NDE1: variants seen among roughly 807,000 people sequenced by gnomAD.
The protein encoded by NDE1 is nuclear distribution protein nudE homolog 1.
In NDE1, 28 loss-of-function variants were observed where a neutral mutation model predicts 43.4. The ratio of observed to expected loss-of-function variants is 0.65; its 90% CI spans 0.48 to 0.89. The LOEUF (loss-of-function observed/expected upper bound fraction) is 0.89. Among genes scored for constraint, NDE1 ranks in the 40% least tolerant of loss-of-function variants. The pLI is 0.00. For synonymous variants in NDE1, 184 were observed against 172.0 expected (o/e 1.07, Z -0.55); for missense variants, 441 against 434.1 (o/e 1.02, Z -0.14).
At chr16:15,710,765 C>G (rs2039740807) in intron 8 of NDE1, among the ~76,000 whole-genome samples, 1 of 152,024 alleles carries the variant, frequency 6.6e-6, no homozygotes, top group African/African-American at 2.4e-5. Flanking sequence ...CAGGCTCCTC[C>G]TCCTGGGTTG....
chr16:15,690,361 T>TC (rs2038686912), intron 5 of NDE1, among the ~76,000 whole-genome samples: 2 of 102,032 alleles, frequency 2.0e-5, no homozygotes, highest in East Asian at 2.4e-4. Flanking sequence ...TTCTTTTTTT[T>TC]TTTTTTTTTT....
chr16:15,725,688 A>G lies in NDE1; in HGVS notation c.*1437A>G. 1 of 398,904 alleles carries G rather than the reference A, an allele frequency of 2.5e-6. No individual in the cohort carries two copies. The highest frequency in any genetic ancestry group is 4.4e-6 in the Non-Finnish European group (1 of 226,310). The allele number at this position is 398,904 out of a possible 1,614,324, so 24.7% of individuals were successfully genotyped here. On this transcript the variant is annotated 3_prime_UTR_variant, in exon 9 of 9. Coordinates refer to ENST00000396354, the MANE Select transcript of NDE1 (RefSeq NM_017668.3). ...CATGTGAGAAAAAAACATCTCACTT[A>G]ATTCTTCCCTCGCCCCTTGGTCCCT...
In NDE1 at chr16:15,724,138, G is replaced by A. The variant is rs7193920; in HGVS notation, c.948-53G>A. On this transcript the variant is annotated intron_variant, in intron 8 of 8. Coordinates refer to ENST00000396354, the MANE Select transcript of NDE1 (RefSeq NM_017668.3). ...CCAACCCAGCGTCCATGGCCAGAGT[G>A]GGGGACACCCCACGCCCTCTACCTG... 46,084 of 1,612,032 alleles carry A rather than the reference G, an allele frequency of 0.029. 2,459 individuals are homozygous for A. The highest frequency in any genetic ancestry group is 0.24 in the African/African-American group (17,746 of 74,928).
At chr16:15,722,527 A>T (rs2151213769) in intron 8 of NDE1, among the ~76,000 whole-genome samples, 1 of 152,306 alleles carries the variant, frequency 6.6e-6, no homozygotes, top group South Asian at 2.1e-4. Flanking sequence ...TATGTGTGCC[A>T]CTGCACTACA....
In NDE1 at chr16:15,725,147, AAACACAC is replaced by A; in HGVS notation, c.*898_*904del. On this transcript the variant is annotated 3_prime_UTR_variant, in exon 9 of 9. Coordinates refer to ENST00000396354, the MANE Select transcript of NDE1 (RefSeq NM_017668.3). ...ATGGGACTCTGATAAAAAAAAAAAA[AAACACAC>A]ACACACACAAAAAAAACAGAATCTG... The A allele has an allele frequency of 1.5e-6, 1 of 655,402 alleles. No individual in the cohort carries two copies. The highest frequency in any genetic ancestry group is 2.7e-5 in the Admixed American group (1 of 37,210). The allele number at this position is 655,402 out of a possible 1,614,324, so 40.6% of individuals were successfully genotyped here.
At chr16:15,694,101 G>C (rs538307296) in intron 6 of NDE1, 64 bp from the exon 7 acceptor site, 1 of 1,583,282 alleles carries the variant, frequency 6.3e-7, no homozygotes, top group South Asian at 1.1e-5. Context: ...TGGATCTAGC[G>C]ATGTTAACGC....
intron 3 of NDE1, among the ~76,000 whole-genome samples, chr16:15,671,537 AAC>A (rs2037592587): frequency 1.3e-5 from 2 of 152,058 alleles, no homozygotes; most frequent in Admixed American, 6.6e-5. Context: ...GGTTGTTTAG[AAC>A]ACACATTGTT....
At chr16:15,707,275 C>CGCCTCG (rs1386886102) in intron 8 of NDE1, among the ~76,000 whole-genome samples, 1 of 152,130 alleles carries the variant, frequency 6.6e-6, no homozygotes, top group African/African-American at 2.4e-5. Flanking sequence ...GTTATCTGCC[C>CGCCTCG]GCCTCGGCCT....
chr16:15,684,095 G>C (rs924709826), intron 4 of NDE1: 1 of 152,164 alleles, frequency 6.6e-6, no homozygotes, highest in African/African-American at 2.4e-5. Context: ...GCCAGGCATG[G>C]TGGCAGGCGC....
chr16:15,678,968 C>G (rs1382673977), intron 4 of NDE1, among the ~76,000 whole-genome samples: 1 of 151,776 alleles, frequency 6.6e-6, no homozygotes, highest in South Asian at 2.1e-4. Context: ...CCCAGCTAGT[C>G]GGGAGGCTGA....
At position 15,712,314 on chromosome 16, in the gene NDE1, C is replaced by T. The variant is rs373374097; in HGVS notation, c.948-11877C>T. ...ATTAGATATACATGGAATTCTAAAGCGCCAAGATTAGTTGAGACCTCTCAC... is the reference window on the plus strand; with the variant it reads ...ATTAGATATACATGGAATTCTAAAGTGCCAAGATTAGTTGAGACCTCTCAC... On this transcript the variant is annotated intron_variant, in intron 8 of 8. Transcript: ENST00000396354. 5.4e-4 allele frequency among the ~76,000 whole-genome samples: 82 copies of T among 152,122 alleles called. No individual in the cohort carries two copies. The East Asian group carries it at 7.2e-3, about 13-fold the overall frequency.
chr16:15,678,558 T>C (rs186857425), intron 4 of NDE1, among the ~76,000 whole-genome samples: 3 of 152,182 alleles, frequency 2.0e-5, no homozygotes, highest in Non-Finnish European at 2.9e-5. Flanking sequence ...AGGGATGGGC[T>C]CTTGCCATGT....
At chr16:15,693,432 C>T (rs1238076794) in intron 6 of NDE1, among the ~76,000 whole-genome samples, 1 of 152,168 alleles carries the variant, frequency 6.6e-6, no homozygotes, top group Non-Finnish European at 1.5e-5. Context: ...TTGTATCTAT[C>T]ACAGATGCCA....
At chr16:15,692,204 C>A (rs574509509) in intron 6 of NDE1, among the ~76,000 whole-genome samples, 88 of 152,280 alleles carry the variant, frequency 5.8e-4, no homozygotes, top group African/African-American at 1.9e-3. Context: ...TCGCCGCAGG[C>A]CCAGGATGCA....
At chr16:15,710,435 C>A (rs565944532) in intron 8 of NDE1, among the ~76,000 whole-genome samples, 3 of 152,144 alleles carry the variant, frequency 2.0e-5, no homozygotes, top group Non-Finnish European at 4.4e-5. Flanking sequence ...GCAGGAGAAT[C>A]GCTTGAACCT....
intron 8 of NDE1, chr16:15,713,037 T>G (rs1159533324): frequency 6.6e-6 from 1 of 151,710 alleles, no homozygotes; most frequent in Non-Finnish European, 1.5e-5. Flanking sequence ...TATTTTTTGG[T>G]AGAGACAGGG....
rs760908992 is a variant in NDE1 at position 15,719,615 on chromosome 16, G to A, written c.948-4576G>A. 24 of 1,614,074 alleles carry A rather than the reference G, an allele frequency of 1.5e-5. 1 individual carries two copies. In the Admixed American group the frequency reaches 3.3e-4, roughly 22 times the overall value. ...GTAGCTGCATGAGGTCTGCTTCCAA[G>A]CTCTTGGCTTTCTTCTCATTCTCTT... On this transcript the variant is annotated intron_variant, in intron 8 of 8. Transcript: ENST00000396354.
At chr16:15,671,032 G>A (rs1880816853) in intron 3 of NDE1, among the ~76,000 whole-genome samples, 1 of 152,108 alleles carries the variant, frequency 6.6e-6, no homozygotes, top group Non-Finnish European at 1.5e-5. Context: ...CGCCTTCAGG[G>A]GTTTTTGTTC....
intron 1 of NDE1, among the ~76,000 whole-genome samples, chr16:15,651,089 C>A (rs1395607598): frequency 6.6e-6 from 1 of 152,172 alleles, no homozygotes; most frequent in Non-Finnish European, 1.5e-5. Flanking sequence ...ACCTTGACAC[C>A]GCTTTTGGGG....
Sources: allele counts gnomAD v4.1 joint callset (sites outside exome capture counted in the v4.1 genomes callset), GRCh38; gene constraint gnomAD v4.1.1; transcripts MANE v1.5; gene names NCBI Gene and HGNC (gene_info 2026-07-23, HGNC 2026-07-21).